The following FAIM2 variants were observed in gnomAD, a reference collection of about 807,000 sequenced individuals.
The protein encoded by FAIM2 is Fas apoptotic inhibitory molecule 2.
Under a neutral mutation model 47.4 loss-of-function variants are expected in FAIM2, and 27 were observed. The observed-to-expected ratio is 0.57, with a 90% CI of 0.42 to 0.78. The LOEUF is 0.78. FAIM2 is among the 30% of genes least tolerant of loss of function. The pLI, the probability that FAIM2 is intolerant of heterozygous loss-of-function variation, is 0.00. For synonymous variants in FAIM2, 156 were observed against 159.3 expected (o/e 0.98, Z 0.16); for missense variants, 311 against 389.4 (o/e 0.80, Z 1.69).
intron 11 of FAIM2, among the ~76,000 whole-genome samples, chr12:49,880,340 TTG>T (rs369440270): frequency 4.8e-5 from 7 of 146,946 alleles, no homozygotes; most frequent in Non-Finnish European, 7.5e-5. Flanking sequence ...GTGTGCATGT[TTG>T]TGTATGTGCA....
chr12:49,880,440 TTGTG>T (rs1946807764), intron 11 of FAIM2, among the ~76,000 whole-genome samples: 2 of 107,638 alleles, frequency 1.9e-5, no homozygotes, highest in Non-Finnish European at 3.7e-5. Flanking sequence ...CTCTGCATGT[TTGTG>T]TATGTGCATG....
chr12:49,878,911 TGA>T (rs1946772311), intron 11 of FAIM2, among the ~76,000 whole-genome samples: 1 of 136,004 alleles, frequency 7.4e-6, no homozygotes, highest in African/African-American at 2.8e-5. Context: ...TGTATGCGTG[TGA>T]GTGCATGTGT....
intron 11 of FAIM2, among the ~76,000 whole-genome samples, chr12:49,876,914 G>C (rs1259735727): frequency 6.6e-6 from 1 of 152,112 alleles, no homozygotes; most frequent in Non-Finnish European, 1.5e-5. Flanking sequence ...TTAAAGATGA[G>C]GCCAGTGAGG....
At chr12:49,897,472 T>C (rs780807193) in intron 4 of FAIM2, 47 bp downstream of exon 4, 5 of 1,569,634 alleles carry the variant, frequency 3.2e-6, no homozygotes, top group South Asian at 2.2e-5. Flanking sequence ...GCTCCAGGCC[T>C]GGCCATAGTC....
intron 11 of FAIM2, 57 bp from the exon 12 acceptor site, chr12:49,870,710 A>C: frequency 1.9e-6 from 3 of 1,564,056 alleles, no homozygotes; most frequent in Non-Finnish European, 2.6e-6. Context: ...TGTGACACTG[A>C]CTATGGCAGC....
chr12:49,881,622 C>T lies in FAIM2; in HGVS notation c.801+5764G>A, dbSNP rs931596984. The stretch of plus-strand genomic sequence containing the variant: ...CCGCCCGACCCTCGTGCTTCCTGTG[C>T]GACTTTCCATGAGTTTCTACAGAAA... On this transcript the variant is annotated intron_variant, in intron 11 of 11. Transcript: ENST00000320634. 4.9e-4 allele frequency among the ~76,000 whole-genome samples: 75 copies of T among 152,138 alleles called. 1 individual carries two copies. Among genetic ancestry groups the T allele is most frequent in the Admixed American group, 4.6e-3 (71 of 15,276 alleles).
rs558137307 is a variant in FAIM2 at position 49,883,919 on chromosome 12, T to A, written c.801+3467A>T. Among the ~76,000 whole-genome samples the A allele has an allele frequency of 3.3e-5, 5 of 152,122 alleles. No individual in the cohort carries two copies. The South Asian group carries it at 1.0e-3, about 32-fold the overall frequency. On this transcript the variant is annotated intron_variant, in intron 11 of 11. Coordinates refer to ENST00000320634, the MANE Select transcript of FAIM2 (RefSeq NM_012306.4). ...CCCTTTGACCTGGATGAGAGTGTGT[T>A]TAAGAGGATCAAGAGGGAATGGTCG...
At chr12:49,895,248 G>T (rs1438642970) in intron 5 of FAIM2, among the ~76,000 whole-genome samples, 2 of 152,032 alleles carry the variant, frequency 1.3e-5, no homozygotes, top group African/African-American at 4.8e-5. Flanking sequence ...TCTGTTTTCT[G>T]CCCAGAGATG....
At chr12:49,903,754 T>C (rs1337255025) in intron 1 of FAIM2, 24 bp downstream of exon 1, 1 of 1,550,708 alleles carries the variant, frequency 6.4e-7, no homozygotes, top group Non-Finnish European at 8.7e-7. Flanking sequence ...TGGAGGATGG[T>C]GCAGGCTGGG....
intron 5 of FAIM2, among the ~76,000 whole-genome samples, chr12:49,893,939 C>T (rs924630658): frequency 6.6e-5 from 10 of 152,208 alleles, no homozygotes; most frequent in African/African-American, 2.4e-4. Context: ...GTGGAAGCTT[C>T]CTGAGGGCAA....
chr12:49,903,894 A>G lies in FAIM2; in HGVS notation c.-102T>C. On this transcript the variant is annotated 5_prime_UTR_variant, in exon 1 of 12. An upstream start codon of the reference 5' UTR is lost. Transcript: ENST00000320634. ...CTTCCTCCGCGTGGGTTCTAGCAAC[A>G]TCCACTGCAGCCGGGCCAGGCGAGC... 8.1e-7 allele frequency: 1 copy of G among 1,236,316 alleles called. No individual in the cohort carries two copies. Among genetic ancestry groups the G allele is most frequent in the Non-Finnish European group, 1.1e-6 (1 of 907,110 alleles). The allele number at this position is 1,236,316 out of a possible 1,614,324, so 76.6% of individuals were successfully genotyped here. A position where few individuals can be genotyped will look rare whatever the true frequency, so the allele number is the denominator to read the frequency against.
chr12:49,889,914 C>A (rs571643393), intron 8 of FAIM2, among the ~76,000 whole-genome samples: 4 of 152,118 alleles, frequency 2.6e-5, no homozygotes, highest in African/African-American at 9.7e-5. Context: ...CTCCCCACCC[C>A]CTATCCACCG....
In FAIM2 at chr12:49,901,272, G is replaced by A. The variant is rs200044662; in HGVS notation, c.69C>T (p.Gly23=). 1.1e-4 allele frequency: 174 copies of A among 1,608,324 alleles called. No homozygotes were observed. Among genetic ancestry groups the A allele is most frequent in the African/African-American group, 2.7e-4 (20 of 74,658 alleles). Residue 23 remains glycine, a synonymous_variant, in exon 2 of 12, where the codon GGC becomes GGT. Coordinates refer to ENST00000320634, the MANE Select transcript of FAIM2 (RefSeq NM_012306.4). ...PGTEGQQQVH[G]EKKEAPAVPS... is the part of the protein sequence containing the mutation. ...GCACTGCTGGAGCCTCCTTCTTCTC[G>A]CCATGCACCTGCTGCTGCCCCTCGG...
At position 49,897,525 on chromosome 12, in the gene FAIM2, G is replaced by A. The variant is rs1242895020; in HGVS notation, c.374C>T (p.Thr125Ile). The A allele has an allele frequency of 6.2e-7, 1 of 1,614,106 alleles. No homozygotes were observed. Among genetic ancestry groups the A allele is most frequent in the Non-Finnish European group, 8.5e-7 (1 of 1,179,960 alleles). Residue 125 changes from threonine to isoleucine, a missense_variant, in exon 4 of 12, where the codon ACT becomes ATT. Physicochemically the swap from Thr to Ile is moderately conservative, Grantham distance 89. Coordinates refer to ENST00000320634, the MANE Select transcript of FAIM2 (RefSeq NM_012306.4). ...GTCCATGCTGCCAACTCACCAGAAAGTAAAGAGAGCCACGACAGCCAAGGT... is the reference window on the plus strand; with the variant it reads ...GTCCATGCTGCCAACTCACCAGAAAATAAAGAGAGCCACGACAGCCAAGGT... ...LVTLAVVALF[T>I]FCDPVKDYVQ...
chr12:49,900,215 G>C (rs1228534859), intron 2 of FAIM2: 3 of 1,287,720 alleles, frequency 2.3e-6, no homozygotes, highest in Middle Eastern at 2.1e-4. Flanking sequence ...GCGCCCAGGG[G>C]ATTTGTAGTG....
intron 8 of FAIM2, among the ~76,000 whole-genome samples, 188 bp from the exon 9 acceptor site, chr12:49,889,756 C>T (rs1946886330): frequency 6.6e-6 from 1 of 152,120 alleles, no homozygotes; most frequent in African/African-American, 2.4e-5. Context: ...TCCCAACAGG[C>T]TTAGACTCAA....
chr12:49,878,718 G>A (rs111200379), intron 11 of FAIM2, among the ~76,000 whole-genome samples: 44,835 of 120,310 alleles, frequency 0.37, 13,125 homozygotes, highest in South Asian at 0.5. Flanking sequence ...ATATATGCGT[G>A]TGTGTCTGTG....
At chr12:49,896,218 G>A (rs777863860) in intron 5 of FAIM2, among the ~76,000 whole-genome samples, 10 of 152,310 alleles carry the variant, frequency 6.6e-5, no homozygotes, top group Non-Finnish European at 8.8e-5. Context: ...CACAGTGAGC[G>A]CGAGAGCAGT....
At position 49,878,428 on chromosome 12, in the gene FAIM2, A is replaced by G. The variant is rs1946760948; in HGVS notation, c.802-7775T>C. The stretch of plus-strand genomic sequence containing the variant: ...TGCATGTGAGTGTATGTGTGTGTAT[A>G]TGTGCAAGTGTGTGTCTGAGTGAAT... On this transcript the variant is annotated intron_variant, in intron 11 of 11. Coordinates refer to ENST00000320634, the MANE Select transcript of FAIM2 (RefSeq NM_012306.4). 2.3e-5 allele frequency among the ~76,000 whole-genome samples: 2 copies of G among 88,530 alleles called. 1 individual carries two copies. The highest frequency in any genetic ancestry group is 4.4e-5 in the Non-Finnish European group (2 of 45,222). The allele number at this position is 88,530 out of a possible 152,430, so 58.1% of individuals were successfully genotyped here.
Sources: gnomAD v4.1 joint callset for allele counts (sites outside exome capture counted in the v4.1 genomes callset) on GRCh38, gnomAD v4.1.1 for gene constraint, MANE v1.5 for transcripts, NCBI Gene and HGNC (gene_info 2026-07-23, HGNC 2026-07-21) for gene names.